EXOC3: variants seen among roughly 807,000 people sequenced by gnomAD.
EXOC3 encodes the protein exocyst complex component 3, also known as SEC6-like 1.
Under a neutral mutation model 73.7 loss-of-function variants are expected in EXOC3, and 21 were observed. The ratio of observed to expected loss-of-function variants is 0.29; its 90% CI spans 0.20 to 0.41. The LOEUF is 0.41. Among genes scored for constraint, EXOC3 ranks in the 10% least tolerant of loss-of-function variants. The pLI is 1.00. For synonymous variants in EXOC3, 410 were observed against 389.1 expected (o/e 1.05, Z -0.63); for missense variants, 842 against 985.1 (o/e 0.85, Z 1.95).
At chr5:464,007 C>T (rs549416216) in intron 9 of EXOC3, among the ~76,000 whole-genome samples, 347 of 152,374 alleles carry the variant, frequency 2.3e-3, no homozygotes, top group African/African-American at 8.1e-3. Context: ...CCTGAGTGCG[C>T]ATTGCTGTTG....
chr5:467,051 G>A lies in EXOC3; in HGVS notation c.*153G>A. On this transcript the variant is annotated 3_prime_UTR_variant, in exon 13 of 13. Transcript: ENST00000512944. ...GTGTGATGCACCGGGTGTGCGTCGA[G>A]TGAGCGTCCCGAGGCCACGTGCGGA... 3 of 801,834 alleles carry A rather than the reference G, an allele frequency of 3.7e-6. No homozygotes were observed. The highest frequency in any genetic ancestry group is 5.8e-6 in the Non-Finnish European group (3 of 516,102). 49.7% of individuals were successfully genotyped at this position (801,834 alleles called of 1,614,324 possible).
chr5:453,879 G>A lies in EXOC3; in HGVS notation c.874G>A (p.Val292Ile). The A allele has an allele frequency of 6.2e-7, 1 of 1,613,970 alleles. No individual in the cohort carries two copies. The highest frequency in any genetic ancestry group is 8.5e-7 in the Non-Finnish European group (1 of 1,179,906). ...GAAGTACGTCCTGGATGACCTCATT[G>A]TCGCCAAAAACCTGATGGTTCAGTG... ...IRKYVLDDLI[V>I]AKNLMVQCFP... The change falls in exon 4 of 13, where the codon GTC becomes ATC. Residue 292 changes from valine (V) to isoleucine (I), a missense_variant. By Grantham distance (29) the Val-to-Ile change is conservative. Coordinates refer to ENST00000512944, the MANE Select transcript of EXOC3 (RefSeq NM_007277.5).
Position 446,241 on chromosome 5 carries a change from A to G in EXOC3, c.36A>G (p.Ala12=). Residue 12 remains alanine, a synonymous_variant, in exon 2 of 13, where the codon GCA becomes GCG. Coordinates refer to ENST00000512944, the MANE Select transcript of EXOC3 (RefSeq NM_007277.5). The stretch of plus-strand genomic sequence containing the variant: ...CAGACCGGGAGGCCGTTGCGACAGC[A>G]GTGCAAAGGGTTGCTGGGATGCTCC... ...KETDREAVAT[A]VQRVAGMLQR... The G allele has an allele frequency of 6.2e-7, 1 of 1,614,030 alleles. No homozygotes were observed. The highest frequency in any genetic ancestry group is 1.1e-5 in the South Asian group (1 of 91,076).
chr5:453,265 A>T (rs766271460), intron 3 of EXOC3, 105 bp from the exon 4 acceptor site: 12 of 756,352 alleles, frequency 1.6e-5, no homozygotes, highest in Non-Finnish European at 2.4e-5. Flanking sequence ...GTTGTTAGCT[A>T]GGGAGATGTG....
At chr5:464,140 G>C (rs1028731246) in intron 9 of EXOC3, 150 bp from the exon 10 acceptor site, 5 of 656,500 alleles carry the variant, frequency 7.6e-6, no homozygotes, top group South Asian at 5.6e-5. Flanking sequence ...CGCAGCTCTC[G>C]TGGGGCGTTG....
intron 3 of EXOC3, among the ~76,000 whole-genome samples, chr5:451,331 C>CGGA (rs1737654599): frequency 6.6e-6 from 1 of 152,190 alleles, no homozygotes; most frequent in Non-Finnish European, 1.5e-5. Flanking sequence ...GGCTTCATCT[C>CGGA]CACTCCCTTT....
intron 2 of EXOC3, 57 bp from the exon 3 acceptor site, chr5:447,476 A>C: frequency 7.7e-7 from 1 of 1,298,070 alleles, no homozygotes; most frequent in Non-Finnish European, 1.0e-6. Context: ...TTTGTTCTTC[A>C]GGAGGCAGCG....
At chr5:465,065 C>T (rs1309743314) in intron 10 of EXOC3, 46 bp from the exon 11 acceptor site, 8 of 1,492,526 alleles carry the variant, frequency 5.4e-6, no homozygotes, top group Non-Finnish European at 6.2e-6. Flanking sequence ...GTGCTCCTGG[C>T]CGCCAGAGCC....
intron 3 of EXOC3, among the ~76,000 whole-genome samples, chr5:450,701 A>G (rs1289507060): frequency 1.3e-5 from 2 of 151,654 alleles, no homozygotes; most frequent in Non-Finnish European, 2.9e-5. Context: ...ATGTATTTTG[A>G]CGGTCTGTTA....
At chr5:445,982 C>T (rs762227143) in intron 1 of EXOC3, among the ~76,000 whole-genome samples, 168 bp from the exon 2 acceptor site, 20 of 152,166 alleles carry the variant, frequency 1.3e-4, no homozygotes, top group Non-Finnish European at 2.5e-4. Context: ...GTTTGTGTTA[C>T]GAAGGTTTGT....
At chr5:465,435 G>T (rs1422682664) in intron 11 of EXOC3, among the ~76,000 whole-genome samples, 163 bp downstream of exon 11, 3 of 152,234 alleles carry the variant, frequency 2.0e-5, no homozygotes, top group African/African-American at 7.2e-5. Context: ...GGACACGAAT[G>T]TCCACAGAGG....
At chr5:445,904 C>T (rs1039262127) in intron 1 of EXOC3, among the ~76,000 whole-genome samples, 5 of 152,312 alleles carry the variant, frequency 3.3e-5, no homozygotes, top group African/African-American at 1.2e-4. Flanking sequence ...CTAGAATCTT[C>T]GCAATGTCCA....
intron 3 of EXOC3, among the ~76,000 whole-genome samples, chr5:449,053 C>T (rs763028351): frequency 2.0e-5 from 3 of 152,204 alleles, no homozygotes; most frequent in Non-Finnish European, 4.4e-5. Flanking sequence ...CATTTCCTTC[C>T]GGTCTTTTAA....
At chr5:460,256 G>A (rs142728194) in intron 7 of EXOC3, among the ~76,000 whole-genome samples, 78 of 152,306 alleles carry the variant, frequency 5.1e-4, no homozygotes, top group African/African-American at 1.8e-3. Flanking sequence ...CTGGTAAGCC[G>A]AATAGCCCCT....
Position 465,277 on chromosome 5 carries a change from G to T in EXOC3, c.1938+5G>T. The T allele has an allele frequency of 6.3e-7, 1 of 1,574,998 alleles. No individual in the cohort carries two copies. The highest frequency in any genetic ancestry group is 8.6e-7 in the Non-Finnish European group (1 of 1,161,140). ...CTGTTCCGGAAGCTGGCGTCCGTGA[G>T]TGTCGCGCAGGTCCGGGCTGGAGAA... On this transcript the variant is annotated splice_donor_5th_base_variant and intron_variant, in intron 11 of 12. Transcript: ENST00000512944.
intron 5 of EXOC3, chr5:457,380 A>AC (rs1737854592): frequency 3.6e-6 from 1 of 277,256 alleles, no homozygotes; most frequent in African/African-American, 2.2e-5. Flanking sequence ...CAGCCTGGTG[A>AC]CCACCAGGTG....
intron 3 of EXOC3, among the ~76,000 whole-genome samples, chr5:448,955 G>A (rs1737581511): frequency 6.6e-6 from 1 of 152,248 alleles, no homozygotes; most frequent in South Asian, 2.1e-4. Context: ...CCTGGAACAG[G>A]AATAAAGTCC....
At chr5:444,614 G>C (rs143271789) in intron 1 of EXOC3, among the ~76,000 whole-genome samples, 88 of 98,926 alleles carry the variant, frequency 8.9e-4, no homozygotes, top group Non-Finnish European at 2.3e-3. Context: ...ATAAGCAGTG[G>C]AATCTTAGCT....
chr5:464,666 C>T (rs1470527457), intron 10 of EXOC3: 2 of 452,462 alleles, frequency 4.4e-6, no homozygotes, highest in African/African-American at 4.0e-5. Flanking sequence ...CGTGCCCCGT[C>T]TTAGCTCCTT....
Sources: allele counts gnomAD v4.1 joint callset (sites outside exome capture counted in the v4.1 genomes callset), GRCh38; gene constraint gnomAD v4.1.1; transcripts MANE v1.5; gene names NCBI Gene and HGNC (gene_info 2026-07-23, HGNC 2026-07-21).